LPCAT1: variants seen among roughly 807,000 people sequenced by gnomAD.
LPCAT1 encodes the protein 1-acylglycerol-3-phosphate O-acyltransferase.
In LPCAT1, 23 loss-of-function variants were observed where a neutral mutation model predicts 60.9. The ratio of observed to expected loss-of-function variants is 0.38; its 90% confidence interval spans 0.27 to 0.53. LPCAT1 has a LOEUF of 0.53. Among genes scored for constraint, LPCAT1 ranks in the 20% least tolerant of loss-of-function variants. The probability of loss-of-function intolerance (pLI) is 0.82; values close to 1 mark genes in which losing one functional copy is unlikely to be tolerated. For missense variants in LPCAT1, 622 were observed against 723.6 expected (o/e 0.86, Z 1.61); for synonymous variants, 340 against 301.1 (o/e 1.13, Z -1.34).
At chr5:1,515,072 A>C (rs191482792) in intron 1 of LPCAT1, among the ~76,000 whole-genome samples, 1 of 151,936 alleles carries the variant, frequency 6.6e-6, no homozygotes, top group Non-Finnish European at 1.5e-5. Context: ...CCCCACCCCC[A>C]GCACATCCTG....
In LPCAT1 at chr5:1,480,302, C is replaced by T. The variant is rs1457826002; in HGVS notation, c.762-627G>A. 2 of 984,232 alleles carry T rather than the reference C, an allele frequency of 2.0e-6. No individual in the cohort carries two copies. The highest frequency in any genetic ancestry group is 1.2e-4 in the Admixed American group (2 of 16,212). 61.0% of individuals were successfully genotyped at this position (984,232 alleles called of 1,614,324 possible). A position where few individuals can be genotyped will look rare whatever the true frequency, so the allele number is the denominator to read the frequency against. ...CCAGCCTGGGAAGCGCTGACCTCAA[C>T]ACCTTCACCTGAAAGCACCAGCGGA... On this transcript the variant is annotated intron_variant, in intron 7 of 13. Coordinates refer to ENST00000283415, the MANE Select transcript of LPCAT1 (RefSeq NM_024830.5). This position sits in a 1 kb window ranked among gnomAD's most constrained non-coding sequence, Gnocchi z 6.4.
Position 1,480,216 on chromosome 5 carries a change from G to C in LPCAT1, c.762-541C>G. ...CCAGCCCTAGGCCCCCGGGACCCCA[G>C]AACCCCTATACCCCCCAGAGCCCCC... On this transcript the variant is annotated intron_variant, in intron 7 of 13. Transcript: ENST00000283415. This position sits in a 1 kb window ranked among gnomAD's most constrained non-coding sequence, Gnocchi z 6.4. The C allele has an allele frequency of 7.7e-6, 3 of 390,922 alleles. No individual in the cohort carries two copies. The highest frequency in any genetic ancestry group is 1.0e-5 in the Non-Finnish European group (3 of 290,500). The allele number at this position is 390,922 out of a possible 1,614,324, so 24.2% of individuals were successfully genotyped here. A position where few individuals can be genotyped will look rare whatever the true frequency, so the allele number is the denominator to read the frequency against.
At chr5:1,519,935 C>G (rs1424490944) in intron 1 of LPCAT1, among the ~76,000 whole-genome samples, 1 of 152,180 alleles carries the variant, frequency 6.6e-6, no homozygotes, top group Non-Finnish European at 1.5e-5. Context: ...GTGCTCCCAC[C>G]GGGTACACTG....
Position 1,510,398 on chromosome 5 carries a change from G to A in LPCAT1, c.136-8795C>T, listed in dbSNP as rs115927125. Reference sequence around the variant, plus strand: ...CTCCACCGTCCTCACCAGAACCCTCGGCACCATCACCTACCCGAGGCTCTT... The same window carrying A: ...CTCCACCGTCCTCACCAGAACCCTCAGCACCATCACCTACCCGAGGCTCTT... On this transcript the variant is annotated intron_variant, in intron 1 of 13. Transcript: ENST00000283415. Among the ~76,000 whole-genome samples the A allele has an allele frequency of 7.3e-3, 1,113 of 152,260 alleles. 12 individuals are homozygous for A. The highest frequency in any genetic ancestry group is 0.025 in the African/African-American group (1,046 of 41,542).
In LPCAT1 at chr5:1,487,309, C is replaced by T. The variant is rs6554858; in HGVS notation, c.667+1082G>A. Reference sequence around the variant, plus strand: ...ACACGGATTCGTGGTCACCGCGTGCCGCCTCCACCCTCTGCATCTCTGGTT... The same window carrying T: ...ACACGGATTCGTGGTCACCGCGTGCTGCCTCCACCCTCTGCATCTCTGGTT... On this transcript the variant is annotated intron_variant, in intron 5 of 13. Transcript: ENST00000283415. The surrounding 1 kb of genome is among the most constrained non-coding windows in gnomAD (Gnocchi z 6.1). 0.23 allele frequency among the ~76,000 whole-genome samples: 35,720 copies of T among 152,118 alleles called. 4,534 individuals are homozygous for T. The highest frequency in any genetic ancestry group is 0.43 in the East Asian group (2,216 of 5,164).
chr5:1,507,660 C>T (rs956943142), intron 1 of LPCAT1, among the ~76,000 whole-genome samples: 25 of 152,210 alleles, frequency 1.6e-4, no homozygotes, highest in African/African-American at 5.8e-4. Flanking sequence ...CCCAGGAGCA[C>T]GGCGCGGCCC....
intron 1 of LPCAT1, among the ~76,000 whole-genome samples, chr5:1,504,714 C>CAAAAAAAAAAAAAAAAAAAACAAA (rs11463524): frequency 9.8e-6 from 1 of 102,084 alleles, no homozygotes; most frequent in Non-Finnish European, 2.2e-5. Context: ...ATCTCCGTCC[C>CAAAAAAAAAAAAAAAAAAAACAAA]AAAAAAAAAA....
chr5:1,485,778 G>C (rs1447001933), intron 5 of LPCAT1, among the ~76,000 whole-genome samples: 1 of 150,874 alleles, frequency 6.6e-6, no homozygotes. Flanking sequence ...AGGCCGGGGA[G>C]AGCCACATCC....
chr5:1,495,141 C>A lies in LPCAT1; in HGVS notation c.279-227G>T, dbSNP rs767459454. ...GCGCTCTCACCTACGAAGGAGGCCGCGGGGCCCTGTGTGGTGGTCACGGGC... is the reference window on the plus strand; with the variant it reads ...GCGCTCTCACCTACGAAGGAGGCCGAGGGGCCCTGTGTGGTGGTCACGGGC... On this transcript the variant is annotated intron_variant, in intron 2 of 13. Coordinates refer to ENST00000283415, the MANE Select transcript of LPCAT1 (RefSeq NM_024830.5). The surrounding 1 kb of genome is among the most constrained non-coding windows in gnomAD (Gnocchi z 4.7). 2.0e-5 allele frequency among the ~76,000 whole-genome samples: 3 copies of A among 152,188 alleles called. No individual in the cohort carries two copies. Among genetic ancestry groups the A allele is most frequent in the Non-Finnish European group, 4.4e-5 (3 of 68,036 alleles).
chr5:1,493,864 G>A lies in LPCAT1; in HGVS notation c.493+836C>T, dbSNP rs567589914. ...GGTTTTTACAGAGGTAACTCGTTAA[G>A]GATCTCAAGATGAGAGCATCCTGGA... On this transcript the variant is annotated intron_variant, in intron 3 of 13. Transcript: ENST00000283415. Among the ~76,000 whole-genome samples, 8 of 152,360 alleles carry A rather than the reference G, an allele frequency of 5.3e-5. No individual in the cohort carries two copies. In the South Asian group the frequency reaches 1.4e-3, roughly 28 times the overall value.
rs1292591734 is a variant in LPCAT1 at position 1,502,569 on chromosome 5, G to A, written c.136-966C>T. Reference sequence around the variant, plus strand: ...AGGCCCCCACGCCAGGGAAGGCCGAGGCTGCGGGATCCCAGGCAGCCCAGG... The same window carrying A: ...AGGCCCCCACGCCAGGGAAGGCCGAAGCTGCGGGATCCCAGGCAGCCCAGG... On this transcript the variant is annotated intron_variant, in intron 1 of 13. Coordinates refer to ENST00000283415, the MANE Select transcript of LPCAT1 (RefSeq NM_024830.5). The surrounding 1 kb of genome is among the most constrained non-coding windows in gnomAD (Gnocchi z 5.5). Among the ~76,000 whole-genome samples, 1 of 152,180 alleles carries A rather than the reference G, an allele frequency of 6.6e-6. No individual in the cohort carries two copies. The highest frequency in any genetic ancestry group is 1.5e-5 in the Non-Finnish European group (1 of 68,020).
Position 1,496,408 on chromosome 5 carries a change from T to TA in LPCAT1, c.279-1495dup, listed in dbSNP as rs1735792485. On this transcript the variant is annotated intron_variant, in intron 2 of 13. Transcript: ENST00000283415. The surrounding 1 kb of genome is among the most constrained non-coding windows in gnomAD (Gnocchi z 4.7). ...AAGATGTACTCTTCTGTGCACATGT[T>TA]ATTTTCCACAAAAAAAAAAAAAAAG... Among the ~76,000 whole-genome samples, 2 of 146,724 alleles carry TA rather than the reference T, an allele frequency of 1.4e-5. No homozygotes were observed. The highest frequency in any genetic ancestry group is 6.7e-5 in the Admixed American group (1 of 14,922).
Position 1,523,602 on chromosome 5 carries a change from C to T in LPCAT1, c.135+108G>A. On this transcript the variant is annotated intron_variant, in intron 1 of 13. Coordinates refer to ENST00000283415, the MANE Select transcript of LPCAT1 (RefSeq NM_024830.5). The surrounding 1 kb of genome is among the most constrained non-coding windows in gnomAD (Gnocchi z 7.1). ...GAAGGCGCCGCGGCTCGCAGGGCCGCGCCGCGCCCCAGGCCCCCTCCCCGG... is the reference window on the plus strand; with the variant it reads ...GAAGGCGCCGCGGCTCGCAGGGCCGTGCCGCGCCCCAGGCCCCCTCCCCGG... The T allele has an allele frequency of 1.3e-6, 1 of 788,890 alleles. No individual in the cohort carries two copies. The highest frequency in any genetic ancestry group is 1.5e-6 in the Non-Finnish European group (1 of 645,542). The allele number at this position is 788,890 out of a possible 1,614,324, so 48.9% of individuals were successfully genotyped here.
Position 1,523,876 on chromosome 5 carries a change from G to C in LPCAT1, c.-32C>G, listed in dbSNP as rs1736752860. 9.7e-7 allele frequency: 1 copy of C among 1,034,504 alleles called. No individual in the cohort carries two copies. The highest frequency in any genetic ancestry group is 1.2e-6 in the Non-Finnish European group (1 of 863,592). 64.1% of individuals were successfully genotyped at this position (1,034,504 alleles called of 1,614,324 possible). On this transcript the variant is annotated 5_prime_UTR_variant, in exon 1 of 14. Transcript: ENST00000283415. This position sits in a 1 kb window ranked among gnomAD's most constrained non-coding sequence, Gnocchi z 7.1. ...GCCGTCCCGCGGCGAGCGCAGCCGA[G>C]CTGCCTGGGGCGCCGAGCGGGGCCG...
At chr5:1,478,954 G>A (rs180913990) in intron 8 of LPCAT1, among the ~76,000 whole-genome samples, 13 of 152,350 alleles carry the variant, frequency 8.5e-5, no homozygotes, top group Middle Eastern at 3.4e-3. Context: ...CTTTGACTAT[G>A]TATTAAACAG....
chr5:1,470,675 C>A (rs1734630834), intron 12 of LPCAT1, 151 bp downstream of exon 12: 2 of 585,608 alleles, frequency 3.4e-6, no homozygotes, highest in Non-Finnish European at 5.9e-6. Flanking sequence ...ATTTTACAAA[C>A]AACAGCTAGC....
intron 8 of LPCAT1, 99 bp downstream of exon 8, chr5:1,479,522 A>G (rs903189591): frequency 1.2e-5 from 10 of 867,154 alleles, no homozygotes; most frequent in Admixed American, 3.6e-5. Flanking sequence ...GACAGGTGAT[A>G]TGCCACATTG....
chr5:1,487,891 G>T lies in LPCAT1; in HGVS notation c.667+500C>A, dbSNP rs1413287961. Among the ~76,000 whole-genome samples the T allele has an allele frequency of 1.3e-5, 2 of 152,104 alleles. No homozygotes were observed. Among genetic ancestry groups the T allele is most frequent in the African/African-American group, 4.8e-5 (2 of 41,402 alleles). ...GGGTGCAGACACAATACTAGACCCA[G>T]GTAACCGCCGCGGGAGAGACCCAAG... On this transcript the variant is annotated intron_variant, in intron 5 of 13. Transcript: ENST00000283415. This position sits in a 1 kb window ranked among gnomAD's most constrained non-coding sequence, Gnocchi z 6.1.
chr5:1,465,124 AC>A (rs1244569475), intron 13 of LPCAT1, among the ~76,000 whole-genome samples: 1 of 149,900 alleles, frequency 6.7e-6, no homozygotes, highest in Non-Finnish European at 1.5e-5. Context: ...ATGCACACAC[AC>A]ACAAAACAAG....
Sources: allele counts gnomAD v4.1 joint callset (sites outside exome capture counted in the v4.1 genomes callset), GRCh38; gene constraint gnomAD v4.1.1; non-coding constraint Gnocchi (gnomAD v3.1); transcripts MANE v1.5; gene names NCBI Gene and HGNC (gene_info 2026-07-23, HGNC 2026-07-21).